The following MAMSTR variants were observed in gnomAD, a reference collection of about 807,000 sequenced individuals.
The protein encoded by MAMSTR is MEF2-activating motif and SAP domain-containing transcriptional regulator.
A neutral mutation model predicts 42.7 loss-of-function variants in MAMSTR; 41 were observed. The ratio of observed to expected loss-of-function variants is 0.96; its 90% confidence interval spans 0.75 to 1.25. The LOEUF (loss-of-function observed/expected upper bound fraction) is 1.25, where lower values mean the gene tolerates loss of function less well. Among genes scored for constraint, MAMSTR ranks in the 50% most tolerant of loss-of-function variants. MAMSTR has a pLI of 0.00. For synonymous variants in MAMSTR, 265 were observed against 244.1 expected (o/e 1.09, Z -0.80); for missense variants, 567 against 557.6 (o/e 1.02, Z -0.17).
downstream of MAMSTR, among the ~76,000 whole-genome samples, chr19:48,708,231 CAAAAAAAA>C (rs66744711): frequency 8.4e-6 from 1 of 118,854 alleles, no homozygotes; most frequent in African/African-American, 3.1e-5. Flanking sequence ...TGAACTCCAT[CAAAAAAAA>C]AAAAAAAAAA....
At chr19:48,714,256 C>T (rs2032877343) in intron 7 of MAMSTR, 110 bp downstream of exon 7, 6 of 1,073,628 alleles carry the variant, frequency 5.6e-6, no homozygotes, top group Non-Finnish European at 7.5e-6. Flanking sequence ...TCAAGGCTTC[C>T]TACCGCTGGT....
At chr19:48,717,228 C>T (rs1013213298) in intron 2 of MAMSTR, among the ~76,000 whole-genome samples, 3 of 152,180 alleles carry the variant, frequency 2.0e-5, no homozygotes, top group Admixed American at 2.0e-4. Flanking sequence ...GCCATTTTTA[C>T]GCACTTGCAT....
Position 48,713,448 on chromosome 19 carries a change from G to T in MAMSTR, c.1067C>A (p.Pro356Gln). ...GLSSVFSSSL[P>Q]SPTNSSSPSP... Reference sequence around the variant, plus strand: ...AGGGGAGGAGGAGTTCGTGGGAGACGGGAGTGAAGAGGAGAAAACAGATGA... The same window carrying T: ...AGGGGAGGAGGAGTTCGTGGGAGACTGGAGTGAAGAGGAGAAAACAGATGA... The change falls in exon 10 of 10, where the codon CCG becomes CAG. Residue 356 changes from proline to glutamine, a missense_variant. Coordinates refer to ENST00000318083, the MANE Select transcript of MAMSTR (RefSeq NM_001130915.2). The T allele has an allele frequency of 6.2e-7, 1 of 1,612,866 alleles. No homozygotes were observed. Among genetic ancestry groups the T allele is most frequent in the South Asian group, 1.1e-5 (1 of 90,954 alleles).
chr19:48,707,407 T>C, the MAMSTR span, among the ~76,000 whole-genome samples: 1 of 145,322 alleles, frequency 6.9e-6, no homozygotes, highest in Non-Finnish European at 1.5e-5. Flanking sequence ...AGCGCGAGAC[T>C]CCGTCTAAAA....
At chr19:48,707,875 G>GAAAGA (rs2032672507), downstream of MAMSTR, among the ~76,000 whole-genome samples, 3 of 110,212 alleles carry the variant, frequency 2.7e-5, no homozygotes, top group South Asian at 5.4e-4. Context: ...AAGAAAGAAA[G>GAAAGA]AAAGAAAGAA....
chr19:48,719,107 G>A lies in MAMSTR; in HGVS notation c.-21-55C>T. 7.8e-7 allele frequency: 1 copy of A among 1,285,084 alleles called. No individual in the cohort carries two copies. Among genetic ancestry groups the A allele is most frequent in the Non-Finnish European group, 1.1e-6 (1 of 910,170 alleles). The allele number at this position is 1,285,084 out of a possible 1,614,324, so 79.6% of individuals were successfully genotyped here. Reference sequence around the variant, plus strand: ...CCATAGAGGGCTGGCTCAGAGTGGAGGTCAGGAGGCCGCCCCTGAGAGTGA... The same window carrying A: ...CCATAGAGGGCTGGCTCAGAGTGGAAGTCAGGAGGCCGCCCCTGAGAGTGA... On this transcript the variant is annotated intron_variant, in intron 1 of 9. Coordinates refer to ENST00000318083, the MANE Select transcript of MAMSTR (RefSeq NM_001130915.2). This position sits in a 1 kb window ranked among gnomAD's most constrained non-coding sequence, Gnocchi z 4.4.
At chr19:48,716,465 G>A (rs902012967) in intron 3 of MAMSTR, among the ~76,000 whole-genome samples, 6 of 151,712 alleles carry the variant, frequency 4.0e-5, no homozygotes, top group Non-Finnish European at 8.8e-5. Context: ...CAAAGAAGCA[G>A]GATCCAAGTT....
rs771759578 is a variant in MAMSTR, at chr19:48,716,727, G to T, written c.75C>A (p.Ile25=). ...SKFRSVLQLR[I]HRRNQEQISD... is the part of the protein sequence containing the mutation. ...TACTCTGCTCCTGATTCCGTCTGTG[G>T]ATCCGAAGCTGGAGGACTGTGGAGG... The change falls in exon 3 of 10, where the codon ATC becomes ATA. Residue 25 remains isoleucine (I), a synonymous_variant. Transcript: ENST00000318083. 1.5e-6 allele frequency: 2 copies of T among 1,332,994 alleles called. No homozygotes were observed. The highest frequency in any genetic ancestry group is 1.9e-6 in the Non-Finnish European group (2 of 1,031,412). 82.6% of individuals were successfully genotyped at this position (1,332,994 alleles called of 1,614,324 possible). A position where few individuals can be genotyped will look rare whatever the true frequency, so the allele number is the denominator to read the frequency against.
intron 3 of MAMSTR, 56 bp downstream of exon 3, chr19:48,716,649 T>C: frequency 7.5e-7 from 1 of 1,324,878 alleles, no homozygotes; most frequent in Non-Finnish European, 9.7e-7. Flanking sequence ...TATTCCAGGA[T>C]ATCCCAGTGG....
In MAMSTR at chr19:48,716,711, C is replaced by T; in HGVS notation, c.91G>A (p.Glu31Lys). The change falls in exon 3 of 10, where the codon GAG (glutamate) becomes AAG (lysine). Residue 31 changes from glutamate (E) to lysine (K), a missense_variant. Coordinates refer to ENST00000318083, the MANE Select transcript of MAMSTR (RefSeq NM_001130915.2). The part of the protein sequence containing the change: ...LQLRIHRRNQ[E>K]QISDPDPWIS... The stretch of plus-strand genomic sequence containing the variant: ...TTTTGGGGCCCATACTTACTCTGCT[C>T]CTGATTCCGTCTGTGGATCCGAAGC... The T allele has an allele frequency of 7.5e-7, 1 of 1,336,500 alleles. No homozygotes were observed. 82.8% of individuals were successfully genotyped at this position (1,336,500 alleles called of 1,614,324 possible). A position where few individuals can be genotyped will look rare whatever the true frequency, so the allele number is the denominator to read the frequency against.
chr19:48,714,721 T>A, intron 6 of MAMSTR, 85 bp downstream of exon 6: 3 of 1,332,940 alleles, frequency 2.3e-6, no homozygotes. Flanking sequence ...CTCCTGGATT[T>A]CCAGAGGGCA....
chr19:48,717,897 G>T (rs1285426861), intron 2 of MAMSTR, among the ~76,000 whole-genome samples: 1 of 152,126 alleles, frequency 6.6e-6, no homozygotes, highest in Non-Finnish European at 1.5e-5. Context: ...TAGAGATGGG[G>T]TTTCACCGTG....
intron 3 of MAMSTR, among the ~76,000 whole-genome samples, chr19:48,716,424 C>CA (rs1383034508): frequency 6.8e-6 from 1 of 146,194 alleles, no homozygotes; most frequent in Non-Finnish European, 1.5e-5. Flanking sequence ...TCATGTATAC[C>CA]AAATGTGGAG....
At chr19:48,718,770 C>T (rs1198699320) in intron 2 of MAMSTR, among the ~76,000 whole-genome samples, 1 of 152,110 alleles carries the variant, frequency 6.6e-6, no homozygotes, top group Non-Finnish European at 1.5e-5. Flanking sequence ...ATCCCCATTG[C>T]TCCCCCCGTG....
chr19:48,710,270 A>ATTT (rs1351063840), downstream of MAMSTR, among the ~76,000 whole-genome samples: 286 of 111,684 alleles, frequency 2.6e-3, no homozygotes, highest in African/African-American at 9.7e-3. Context: ...ACACCTGGCT[A>ATTT]ATTATTTTTT....
chr19:48,718,330 C>T (rs543444752), intron 2 of MAMSTR, among the ~76,000 whole-genome samples: 1 of 152,034 alleles, frequency 6.6e-6, no homozygotes, highest in South Asian at 2.1e-4. Flanking sequence ...CACTCAAGTA[C>T]CCTTTGCCTT....
At position 48,714,848 on chromosome 19, in the gene MAMSTR, T is replaced by TG. The variant is rs752869239; in HGVS notation, c.485dup (p.His163ThrfsTer9). On this transcript the variant is annotated frameshift_variant, in exon 6 of 10. Transcript: ENST00000318083. LOFTEE classifies it high-confidence loss of function. ...TAAGGGTCTGAAGTTCCAACTTGTG[T>TG]GGGGGGGGCGAGGGGCTAGGGACTC... 308 of 1,597,824 alleles carry TG rather than the reference T, an allele frequency of 1.9e-4. No homozygotes were observed. Among genetic ancestry groups the TG allele is most frequent in the South Asian group, 3.4e-4 (31 of 90,354 alleles).
At chr19:48,716,933 G>A (rs979179088) in intron 2 of MAMSTR, 190 bp from the exon 3 acceptor site, 9 of 1,195,596 alleles carry the variant, frequency 7.5e-6, no homozygotes, top group South Asian at 4.2e-5. Flanking sequence ...CCCTGCCAGC[G>A]CAGCGCCGCG....
chr19:48,719,188 AC>A lies in MAMSTR; in HGVS notation c.-21-137del. The A allele has an allele frequency of 1.6e-6, 1 of 632,634 alleles. No individual in the cohort carries two copies. Among genetic ancestry groups the A allele is most frequent in the Non-Finnish European group, 2.8e-6 (1 of 356,530 alleles). The allele number at this position is 632,634 out of a possible 1,614,324, so 39.2% of individuals were successfully genotyped here. ...GGAATAGGAGCAGCCTTGGGCCATA[AC>A]TTCCGGATCCCAGGGGCTGTAGAGG... is the stretch of plus-strand genomic sequence containing the variant. On this transcript the variant is annotated intron_variant, in intron 1 of 9. Transcript: ENST00000318083. This position sits in a 1 kb window ranked among gnomAD's most constrained non-coding sequence, Gnocchi z 4.4.
Sources: gnomAD v4.1 joint callset for allele counts (sites outside exome capture counted in the v4.1 genomes callset) on GRCh38, gnomAD v4.1.1 for gene constraint, Gnocchi (gnomAD v3.1) non-coding constraint, MANE v1.5 for transcripts, NCBI Gene and HGNC (gene_info 2026-07-23, HGNC 2026-07-21) for gene names.